The following PPP2R5C variants were observed in gnomAD, a reference collection of about 807,000 sequenced individuals.
PPP2R5C encodes the protein serine/threonine-protein phosphatase 2A 56 kDa regulatory subunit gamma isoform.
PPP2R5C carries 7 observed loss-of-function variants against 68.9 expected under a neutral mutation model. The observed-to-expected ratio is 0.10, with a 90% CI of 0.06 to 0.19. PPP2R5C has a LOEUF of 0.19. Ranked by LOEUF, PPP2R5C falls within the 10% of genes least tolerant of loss-of-function variation. The probability of loss-of-function intolerance (pLI) is 1.00; values close to 1 mark genes in which losing one functional copy is unlikely to be tolerated. For missense variants in PPP2R5C, 348 were observed against 641.3 expected, an observed-to-expected ratio of 0.54 and a Z score of 4.94; for synonymous variants, 210 against 222.2, an observed-to-expected ratio of 0.95 and a Z score of 0.49.
intron 2 of PPP2R5C, among the ~76,000 whole-genome samples, chr14:101,865,409 A>T (rs1241716443): frequency 6.6e-6 from 1 of 152,172 alleles, no homozygotes; most frequent in Admixed American, 6.5e-5. Flanking sequence ...AAGAGGCCTG[A>T]TGTCTCCTGT....
chr14:101,834,267 G>A (rs958109308), intron 1 of PPP2R5C, among the ~76,000 whole-genome samples: 2 of 152,230 alleles, frequency 1.3e-5, no homozygotes, highest in African/African-American at 4.8e-5. Flanking sequence ...GTGGGACCTT[G>A]ACTGGGTCCG....
At chr14:101,927,020 G>C (rs892628180) in exon 14 of PPP2R5C, 7 of 152,036 alleles carry the variant, frequency 4.6e-5, no homozygotes, top group Non-Finnish European at 1.0e-4. Context: ...AAACAGTTTA[G>C]ATGCCTTCTC....
At chr14:101,844,518 C>T (rs1048221725) in intron 1 of PPP2R5C, among the ~76,000 whole-genome samples, 5 of 152,198 alleles carry the variant, frequency 3.3e-5, no homozygotes, top group Admixed American at 6.5e-5. Flanking sequence ...TTGTGTCTGT[C>T]ACCGACCCTC....
At chr14:101,912,677 T>C (rs536111669) in intron 12 of PPP2R5C, 22 of 1,153,544 alleles carry the variant, frequency 1.9e-5, no homozygotes, top group Non-Finnish European at 2.3e-5. Context: ...TACCACAGAA[T>C]TGACTTTTTT....
At chr14:101,827,788 C>T (rs1219650150) in intron 1 of PPP2R5C, among the ~76,000 whole-genome samples, 1 of 152,136 alleles carries the variant, frequency 6.6e-6, no homozygotes, top group Non-Finnish European at 1.5e-5. Flanking sequence ...ACAGGACTTA[C>T]CTGTCAAAGG....
At chr14:101,863,555 A>G (rs960385743) in intron 2 of PPP2R5C, among the ~76,000 whole-genome samples, 1 of 152,244 alleles carries the variant, frequency 6.6e-6, no homozygotes, top group Admixed American at 6.5e-5. Context: ...TTTCTAAAAC[A>G]GTGCCACTCA....
Position 101,813,627 on chromosome 14 carries a change from C to G in PPP2R5C, c.94+3591C>G, listed in dbSNP as rs554818260. 3.9e-5 allele frequency among the ~76,000 whole-genome samples: 6 copies of G among 152,316 alleles called. No homozygotes were observed. In the South Asian group the frequency reaches 1.0e-3, roughly 26 times the overall value. ...AGGTTTAAGGCAGTGACAGCCAAGC[C>G]GGAAAGATGGTAATGGCCAGAGAGG... On this transcript the variant is annotated intron_variant, in intron 1 of 13. Transcript: ENST00000334743.
exon 3 of PPP2R5C, chr14:101,786,167 A>G: frequency 6.4e-7 from 1 of 1,565,046 alleles, no homozygotes; most frequent in Non-Finnish European, 8.6e-7. Context: ...AACTTCAAAA[A>G]CTACCATCCT....
At chr14:101,799,575 T>C (rs745420316) in intron 3 of PPP2R5C, among the ~76,000 whole-genome samples, 1 of 152,196 alleles carries the variant, frequency 6.6e-6, no homozygotes, top group Non-Finnish European at 1.5e-5. Context: ...ATGGTTGCAT[T>C]ATGAGCCTCT....
At chr14:101,912,577 CGTT>C (rs2046458495) in intron 12 of PPP2R5C, 104 bp downstream of exon 14, 6 of 1,389,382 alleles carry the variant, frequency 4.3e-6, no homozygotes, top group Admixed American at 3.1e-5. Context: ...ATTTCACTAA[CGTT>C]GTATATGAAA....
intron 13 of PPP2R5C, among the ~76,000 whole-genome samples, chr14:101,920,096 C>G (rs1471970277): frequency 2.0e-5 from 3 of 151,946 alleles, no homozygotes; most frequent in Non-Finnish European, 4.4e-5. Flanking sequence ...AAACTAGGTC[C>G]AAAATGTGAT....
intron 2 of PPP2R5C, among the ~76,000 whole-genome samples, chr14:101,774,434 G>T (rs1344737959): frequency 1.3e-5 from 2 of 152,186 alleles, no homozygotes; most frequent in Non-Finnish European, 2.9e-5. Flanking sequence ...TGGCTATGGA[G>T]AGATCAGTAT....
At chr14:101,918,031 C>G in intron 13 of PPP2R5C, 84 bp downstream of exon 15, 2 of 1,573,252 alleles carry the variant, frequency 1.3e-6, no homozygotes, top group Non-Finnish European at 8.7e-7. Context: ...TGATTTGCAT[C>G]AGTGCCTTCT....
At chr14:101,836,735 T>C (rs1366090333) in intron 1 of PPP2R5C, 1 of 207,998 alleles carries the variant, frequency 4.8e-6, no homozygotes, top group Non-Finnish European at 9.7e-6. Flanking sequence ...AGATAGGTAA[T>C]ATATAAAAGA....
At chr14:101,922,823 TAAAA>T (rs754722063) in intron 13 of PPP2R5C, among the ~76,000 whole-genome samples, 9 of 150,868 alleles carry the variant, frequency 6.0e-5, no homozygotes, top group Non-Finnish European at 1.3e-4. Context: ...CTAATAAAAA[TAAAA>T]AAAAAATTTT....
chr14:101,917,990 G>A lies in PPP2R5C; in HGVS notation c.1443+43G>A. 1 of 1,611,592 alleles carries A rather than the reference G, an allele frequency of 6.2e-7. No individual in the cohort carries two copies. The highest frequency in any genetic ancestry group is 8.5e-7 in the Non-Finnish European group (1 of 1,178,458). On this transcript the variant is annotated intron_variant, in intron 13 of 13. Coordinates refer to ENST00000334743, the Ensembl canonical transcript of PPP2R5C. The surrounding 1 kb of genome is among the most constrained non-coding windows in gnomAD (Gnocchi z 4.4). ...TCAGCTGGGCACCCATGACTGATTT[G>A]CTTAAGAAATGCACATTTTTGTAGG...
intron 3 of PPP2R5C, among the ~76,000 whole-genome samples, chr14:101,799,850 G>A (rs2038784127): frequency 6.6e-6 from 1 of 152,114 alleles, no homozygotes; most frequent in Non-Finnish European, 1.5e-5. Flanking sequence ...GATTTCCTTG[G>A]TTCAGACTTT....
intron 1 of PPP2R5C, chr14:101,833,369 T>A (rs552053844): frequency 6.6e-6 from 1 of 152,238 alleles, no homozygotes; most frequent in African/African-American, 2.4e-5. Flanking sequence ...CAGCTCTGAT[T>A]GGTCAAATGT....
chr14:101,762,694 G>A (rs2036618112), intron 1 of PPP2R5C, among the ~76,000 whole-genome samples: 1 of 152,196 alleles, frequency 6.6e-6, no homozygotes, highest in South Asian at 2.1e-4. Flanking sequence ...AACCTCAAAT[G>A]CAGATAAAAC....
Sources: gnomAD v4.1 joint callset for allele counts (sites outside exome capture counted in the v4.1 genomes callset) on GRCh38, gnomAD v4.1.1 for gene constraint, Gnocchi (gnomAD v3.1) non-coding constraint, MANE v1.5 for transcripts, NCBI Gene and HGNC (gene_info 2026-07-23, HGNC 2026-07-21) for gene names.